NRXN1: variants seen among roughly 807,000 people sequenced by gnomAD.
The protein encoded by NRXN1 is neurexin-1.
In NRXN1, 39 loss-of-function variants were observed where a neutral mutation model predicts 150.9. That is an observed-to-expected ratio of 0.26 (90% CI 0.20 to 0.34). The LOEUF (loss-of-function observed/expected upper bound fraction) is 0.34. Ranked by LOEUF, NRXN1 falls within the 10% of genes least tolerant of loss-of-function variation. The probability of loss-of-function intolerance (pLI) is 1.00; values close to 1 mark genes in which losing one functional copy is unlikely to be tolerated. For missense variants in NRXN1, 1,815 were observed against 1,949.9 expected (o/e 0.93, Z 1.30); for synonymous variants, 924 against 757.0 (o/e 1.22, Z -3.62).
chr2:50,155,136 C>A (rs909857570), intron 18 of NRXN1, among the ~76,000 whole-genome samples: 7 of 151,558 alleles, frequency 4.6e-5, no homozygotes, highest in Admixed American at 6.6e-5. Flanking sequence ...TAATGCGATT[C>A]AAGTTTTTTA....
chr2:50,025,374 A>G (rs577083218), intron 21 of NRXN1, among the ~76,000 whole-genome samples: 13 of 152,306 alleles, frequency 8.5e-5, no homozygotes, highest in African/African-American at 3.1e-4. Context: ...AAGTAAGAAG[A>G]CTGGCTTATA....
intron 18 of NRXN1, among the ~76,000 whole-genome samples, chr2:50,160,478 T>C (rs1270377213): frequency 6.6e-6 from 1 of 151,970 alleles, no homozygotes; most frequent in Admixed American, 6.6e-5. Flanking sequence ...GAGGTGGAAG[T>C]TGCAGTGAGC....
At chr2:49,986,077 A>G (rs1025491575) in intron 21 of NRXN1, among the ~76,000 whole-genome samples, 5 of 152,216 alleles carry the variant, frequency 3.3e-5, no homozygotes, top group African/African-American at 1.2e-4. Flanking sequence ...AGACAACCTA[A>G]AAGAATGTTA....
At chr2:50,477,554 C>A (rs1362467466) in intron 15 of NRXN1, among the ~76,000 whole-genome samples, 2 of 152,134 alleles carry the variant, frequency 1.3e-5, no homozygotes, top group African/African-American at 4.8e-5. Flanking sequence ...GAGTAAAGAC[C>A]AAGCTCTGCC....
intron 8 of NRXN1, among the ~76,000 whole-genome samples, chr2:50,571,709 C>T (rs1670688677): frequency 1.3e-5 from 2 of 151,968 alleles, no homozygotes; most frequent in East Asian, 3.9e-4. Context: ...TGGGAGGTGC[C>T]TAGGAACCAT....
intron 5 of NRXN1, among the ~76,000 whole-genome samples, chr2:50,872,116 A>C (rs180826252): frequency 6.6e-5 from 10 of 151,704 alleles, no homozygotes; most frequent in Admixed American, 6.6e-4. Context: ...TTTCCCCTTT[A>C]TGTGTGTGTA....
intron 15 of NRXN1, among the ~76,000 whole-genome samples, chr2:50,483,446 T>G (rs1477722009): frequency 6.6e-6 from 1 of 152,218 alleles, no homozygotes; most frequent in Admixed American, 6.5e-5. Flanking sequence ...TTCACTTTAC[T>G]CTATGGACTT....
chr2:50,921,625 T>C (rs1163139584), intron 5 of NRXN1, among the ~76,000 whole-genome samples: 1 of 151,644 alleles, frequency 6.6e-6, no homozygotes, highest in African/African-American at 2.4e-5. Context: ...AATTTCTAAA[T>C]ATATTAATTA....
intron 17 of NRXN1, among the ~76,000 whole-genome samples, chr2:50,337,077 CTTTTTCTTTTTTTT>C (rs552584189): frequency 7.0e-6 from 1 of 143,856 alleles, no homozygotes; most frequent in South Asian, 2.2e-4. Context: ...TTTCTTTTTT[CTTTTTCTTTTTTTT>C]TTTTTTTTTG....
intron 18 of NRXN1, among the ~76,000 whole-genome samples, chr2:50,102,275 CT>C (rs1369552451): frequency 6.6e-6 from 1 of 151,902 alleles, no homozygotes; most frequent in African/African-American, 2.4e-5. Flanking sequence ...TATCAAGTGC[CT>C]TTTAGCTGCA....
At chr2:50,369,244 A>C (rs2079829634) in intron 17 of NRXN1, among the ~76,000 whole-genome samples, 1 of 151,974 alleles carries the variant, frequency 6.6e-6, no homozygotes, top group Non-Finnish European at 1.5e-5. Flanking sequence ...AGGACATTTA[A>C]AATAAACCAA....
intron 5 of NRXN1, among the ~76,000 whole-genome samples, chr2:50,694,292 G>C (rs1327026549): frequency 6.6e-6 from 1 of 152,132 alleles, no homozygotes; most frequent in Non-Finnish European, 1.5e-5. Flanking sequence ...TTCTAGCACT[G>C]TCTCTTACAT....
intron 18 of NRXN1, among the ~76,000 whole-genome samples, chr2:50,232,869 T>C (rs1465275905): frequency 6.6e-6 from 1 of 152,138 alleles, no homozygotes; most frequent in East Asian, 1.9e-4. Context: ...AATTTCACCA[T>C]AGACTTTCTT....
chr2:51,007,477 G>C (rs1017138016), intron 2 of NRXN1, among the ~76,000 whole-genome samples: 3 of 151,886 alleles, frequency 2.0e-5, no homozygotes, highest in Non-Finnish European at 4.4e-5. Flanking sequence ...CGAAGTGTTA[G>C]GGGTTTAGGA....
intron 19 of NRXN1, among the ~76,000 whole-genome samples, chr2:50,075,004 A>C (rs1696857786): frequency 6.6e-6 from 1 of 152,250 alleles, no homozygotes; most frequent in Non-Finnish European, 1.5e-5. Flanking sequence ...CAATGAAAAC[A>C]CAAACAGATC....
chr2:50,021,083 A>G (rs1687492957), intron 21 of NRXN1, among the ~76,000 whole-genome samples: 1 of 152,140 alleles, frequency 6.6e-6, no homozygotes. Flanking sequence ...GATAATGTCA[A>G]CTCTTGCCTA....
intron 17 of NRXN1, among the ~76,000 whole-genome samples, chr2:50,258,876 G>T (rs941905344): frequency 6.6e-6 from 1 of 152,000 alleles, no homozygotes; most frequent in Non-Finnish European, 1.5e-5. Context: ...CATTGTCAAT[G>T]AGCAGTAATA....
chr2:49,971,064 A>G (rs1419991862), intron 21 of NRXN1, among the ~76,000 whole-genome samples: 1 of 152,160 alleles, frequency 6.6e-6, no homozygotes, highest in African/African-American at 2.4e-5. Context: ...GTCATTTTCT[A>G]AATGGGCAGA....
At chr2:50,818,986 G>A (rs560219274) in intron 5 of NRXN1, among the ~76,000 whole-genome samples, 4 of 152,016 alleles carry the variant, frequency 2.6e-5, no homozygotes, top group African/African-American at 7.2e-5. Context: ...GATATCAACC[G>A]ACACCTGTTA....
Sources: gnomAD v4.1 joint callset for allele counts (sites outside exome capture counted in the v4.1 genomes callset) on GRCh38, gnomAD v4.1.1 for gene constraint, MANE v1.5 for transcripts, NCBI Gene and HGNC (gene_info 2026-07-23, HGNC 2026-07-21) for gene names.